HAS3: variants seen among roughly 807,000 people sequenced by gnomAD.
The protein encoded by HAS3 is HA synthase 3.
A neutral mutation model predicts 50.3 loss-of-function variants in HAS3; 27 were observed. The observed-to-expected ratio is 0.54, with a 90% CI of 0.40 to 0.74. The LOEUF is 0.74. Ranked by LOEUF, HAS3 falls within the 30% of genes least tolerant of loss-of-function variation. The probability of loss-of-function intolerance (pLI) is 0.00; values close to 1 mark genes in which losing one functional copy is unlikely to be tolerated. For missense variants in HAS3, 517 were observed against 742.8 expected (o/e 0.70, Z 3.53); for synonymous variants, 339 against 310.9 (o/e 1.09, Z -0.95).
intron 3 of HAS3, among the ~76,000 whole-genome samples, chr16:69,113,823 T>C (rs543700108): frequency 6.6e-6 from 1 of 152,296 alleles, no homozygotes; most frequent in Admixed American, 6.5e-5. Flanking sequence ...AGGTACTTCC[T>C]TTTTGGCCGG....
chr16:69,085,381 A>G, the HAS3 span, among the ~76,000 whole-genome samples: 9 of 152,214 alleles, frequency 5.9e-5, no homozygotes, highest in East Asian at 1.5e-3. Context: ...ATCTCTATTT[A>G]TAGATCACCT....
chr16:69,100,409 T>C, the HAS3 span, among the ~76,000 whole-genome samples: 1 of 152,316 alleles, frequency 6.6e-6, no homozygotes, highest in East Asian at 1.9e-4. Flanking sequence ...GTTTTCATGG[T>C]GGTCAGCCCA....
At chr16:69,101,139 G>A (rs964223461), upstream of HAS3, among the ~76,000 whole-genome samples, 4 of 152,040 alleles carry the variant, frequency 2.6e-5, no homozygotes, top group African/African-American at 9.7e-5. Context: ...GACATGTTCG[G>A]TAATTCCCCA....
chr16:69,102,268 T>C (rs564520337), upstream of HAS3, among the ~76,000 whole-genome samples: 1 of 152,318 alleles, frequency 6.6e-6, no homozygotes, highest in African/African-American at 2.4e-5. Flanking sequence ...GGAAGGCTTA[T>C]TTATCCTCTG....
the HAS3 span, among the ~76,000 whole-genome samples, chr16:69,099,455 G>C: frequency 6.6e-6 from 1 of 152,004 alleles, no homozygotes; most frequent in African/African-American, 2.4e-5. Context: ...AGCCTCCCGA[G>C]TAGCTGGGAC....
chr16:69,102,587 C>T (rs1327098271), upstream of HAS3, among the ~76,000 whole-genome samples: 2 of 152,198 alleles, frequency 1.3e-5, no homozygotes, highest in Non-Finnish European at 2.9e-5. Context: ...GAGAGTGCTC[C>T]CTAGGGCAGG....
At chr16:69,084,349 A>G in the HAS3 span, 2 of 152,330 alleles carry the variant, frequency 1.3e-5, no homozygotes, top group African/African-American at 4.8e-5. Context: ...TTATCCTCCC[A>G]GGCCATTCTT....
Position 69,114,591 on chromosome 16 carries a change from C to T in HAS3, c.987C>T (p.Tyr329=). The change falls in exon 4 of 4, where the codon TAC becomes TAT. Residue 329 remains tyrosine (Y), a synonymous_variant. Coordinates refer to ENST00000569188, the MANE Select transcript of HAS3 (RefSeq NM_001199280.2). This position sits in a 1 kb window ranked among gnomAD's most constrained non-coding sequence, Gnocchi z 6.4. ...HLTNRVLSLG[Y]RTKYTARSKC... ...CCAACCGAGTCCTGAGCCTTGGCTA[C>T]CGAACTAAGTATACCGCGCGCTCCA... The T allele has an allele frequency of 2.5e-6, 4 of 1,614,078 alleles. No homozygotes were observed. The highest frequency in any genetic ancestry group is 2.5e-6 in the Non-Finnish European group (3 of 1,180,024).
At chr16:69,086,214 G>A in the HAS3 span, among the ~76,000 whole-genome samples, 1 of 151,452 alleles carries the variant, frequency 6.6e-6, no homozygotes, top group Non-Finnish European at 1.5e-5. Flanking sequence ...TGTCACCCAG[G>A]CTGGAGTGAA....
Position 69,107,518 on chromosome 16 carries a change from G to C in HAS3, c.-1+1731G>C, listed in dbSNP as rs541288364. The C allele has an allele frequency of 1.3e-4, 131 of 985,604 alleles. No homozygotes were observed. The highest frequency in any genetic ancestry group is 1.2e-3 in the African/African-American group (70 of 57,380). 61.1% of individuals were successfully genotyped at this position (985,604 alleles called of 1,614,324 possible). A position where few individuals can be genotyped will look rare whatever the true frequency, so the allele number is the denominator to read the frequency against. On this transcript the variant is annotated intron_variant, in intron 1 of 3. Coordinates refer to ENST00000569188, the MANE Select transcript of HAS3 (RefSeq NM_001199280.2). This position sits in a 1 kb window ranked among gnomAD's most constrained non-coding sequence, Gnocchi z 5.5. ...CCGCCTTTGCCAAGAGGCGAGGCTC[G>C]AGCGGGGATGAGAAGCGTGGCGAGT...
rs778773577 is a variant in HAS3 at position 69,107,983 on chromosome 16, G to T, written c.1-1413G>T. Among the ~76,000 whole-genome samples the T allele has an allele frequency of 2.6e-5, 4 of 152,228 alleles. No homozygotes were observed. Among genetic ancestry groups the T allele is most frequent in the Non-Finnish European group, 5.9e-5 (4 of 68,030 alleles). On this transcript the variant is annotated intron_variant, in intron 1 of 3. Coordinates refer to ENST00000569188, the MANE Select transcript of HAS3 (RefSeq NM_001199280.2). This position sits in a 1 kb window ranked among gnomAD's most constrained non-coding sequence, Gnocchi z 5.5. ...ACTGCGTGTTCTTCGTCCCTTCTACGTGAGAGGCGTCCCGACAGGAAAGTG... is the reference window on the plus strand; with the variant it reads ...ACTGCGTGTTCTTCGTCCCTTCTACTTGAGAGGCGTCCCGACAGGAAAGTG...
rs1961175734 is a variant in HAS3, at chr16:69,116,257, T to C, written c.*991T>C. ...GTCACCTCTTCTACCCTCATCATCA[T>C]AGGTAAGGTTTTCAAGGTGGCAATT... On this transcript the variant is annotated 3_prime_UTR_variant, in exon 4 of 4. Coordinates refer to ENST00000569188, the MANE Select transcript of HAS3 (RefSeq NM_001199280.2). 2.0e-6 allele frequency: 2 copies of C among 985,540 alleles called. No homozygotes were observed. The highest frequency in any genetic ancestry group is 2.4e-6 in the Non-Finnish European group (2 of 829,940). 61.0% of individuals were successfully genotyped at this position (985,540 alleles called of 1,614,324 possible). A position where few individuals can be genotyped will look rare whatever the true frequency, so the allele number is the denominator to read the frequency against.
At position 69,109,319 on chromosome 16, in the gene HAS3, C is replaced by G. The variant is rs1960913432; in HGVS notation, c.1-77C>G. 1.4e-6 allele frequency: 2 copies of G among 1,430,432 alleles called. No individual in the cohort carries two copies. Among genetic ancestry groups the G allele is most frequent in the African/African-American group, 2.8e-5 (2 of 71,164 alleles). The allele number at this position is 1,430,432 out of a possible 1,614,324, so 88.6% of individuals were successfully genotyped here. The stretch of plus-strand genomic sequence containing the variant: ...ATCAGTGGGTCATGTCCACTAGTAA[C>G]AGAGAACACCCATGCTCCCACGGAC... On this transcript the variant is annotated intron_variant, in intron 1 of 3. Transcript: ENST00000569188. The surrounding 1 kb of genome is among the most constrained non-coding windows in gnomAD (Gnocchi z 5.3).
chr16:69,116,280 A>G lies in HAS3; in HGVS notation c.*1014A>G, dbSNP rs1347251709. The G allele has an allele frequency of 2.0e-6, 2 of 985,560 alleles. No homozygotes were observed. Among genetic ancestry groups the G allele is most frequent in the Admixed American group, 1.2e-4 (2 of 16,268 alleles). The allele number at this position is 985,560 out of a possible 1,614,324, so 61.1% of individuals were successfully genotyped here. A position where few individuals can be genotyped will look rare whatever the true frequency, so the allele number is the denominator to read the frequency against. ...CATAGGTAAGGTTTTCAAGGTGGCA[A>G]TTGGGGCGGAGCCCCGGCTCTTATA... On this transcript the variant is annotated 3_prime_UTR_variant, in exon 4 of 4. Coordinates refer to ENST00000569188, the MANE Select transcript of HAS3 (RefSeq NM_001199280.2).
At chr16:69,088,821 C>G in the HAS3 span, among the ~76,000 whole-genome samples, 1 of 152,068 alleles carries the variant, frequency 6.6e-6, no homozygotes, top group Admixed American at 6.6e-5. Flanking sequence ...GGAAGGGGTG[C>G]TGAAGTAAGA....
At position 69,107,866 on chromosome 16, in the gene HAS3, T is replaced by C. The variant is rs2152255156; in HGVS notation, c.1-1530T>C. ...GGGGCAGAGCGCCCGGAGGCCGCGC[T>C]TCCCGGAGAGGCTAGGCTGCCAGCA... On this transcript the variant is annotated intron_variant, in intron 1 of 3. Transcript: ENST00000569188. This position sits in a 1 kb window ranked among gnomAD's most constrained non-coding sequence, Gnocchi z 5.5. Among the ~76,000 whole-genome samples, 1 of 152,342 alleles carries C rather than the reference T, an allele frequency of 6.6e-6. No homozygotes were observed. Among genetic ancestry groups the C allele is most frequent in the South Asian group, 2.1e-4 (1 of 4,830 alleles).
In HAS3 at chr16:69,117,518, T is replaced by A; in HGVS notation, c.*2252T>A. On this transcript the variant is annotated 3_prime_UTR_variant, in exon 4 of 4. Transcript: ENST00000569188. ...ATTTTGGTTTTTCCTCATTGAGAATTCAAATCCTCTTTTGTATTGTTTCTA... is the reference window on the plus strand; with the variant it reads ...ATTTTGGTTTTTCCTCATTGAGAATACAAATCCTCTTTTGTATTGTTTCTA... 1 of 933,578 alleles carries A rather than the reference T, an allele frequency of 1.1e-6. No individual in the cohort carries two copies. Among genetic ancestry groups the A allele is most frequent in the Non-Finnish European group, 1.3e-6 (1 of 782,330 alleles). 57.8% of individuals were successfully genotyped at this position (933,578 alleles called of 1,614,324 possible).
Position 69,116,283 on chromosome 16 carries a change from G to T in HAS3, c.*1017G>T. Reference sequence around the variant, plus strand: ...AGGTAAGGTTTTCAAGGTGGCAATTGGGGCGGAGCCCCGGCTCTTATAGAA... The same window carrying T: ...AGGTAAGGTTTTCAAGGTGGCAATTTGGGCGGAGCCCCGGCTCTTATAGAA... On this transcript the variant is annotated 3_prime_UTR_variant, in exon 4 of 4. Transcript: ENST00000569188. 1.0e-6 allele frequency: 1 copy of T among 985,736 alleles called. No homozygotes were observed. The highest frequency in any genetic ancestry group is 1.7e-5 in the African/African-American group (1 of 57,374). 61.1% of individuals were successfully genotyped at this position (985,736 alleles called of 1,614,324 possible).
chr16:69,087,535 C>T, the HAS3 span, among the ~76,000 whole-genome samples: 1 of 151,922 alleles, frequency 6.6e-6, no homozygotes, highest in Non-Finnish European at 1.5e-5. Flanking sequence ...TCCTCTTCCA[C>T]GTCCCTTGCT....
Sources: gnomAD v4.1 joint callset for allele counts (sites outside exome capture counted in the v4.1 genomes callset) on GRCh38, gnomAD v4.1.1 for gene constraint, Gnocchi (gnomAD v3.1) non-coding constraint, MANE v1.5 for transcripts, NCBI Gene and HGNC (gene_info 2026-07-23, HGNC 2026-07-21) for gene names.